The following KIF26B variants were observed in gnomAD, a reference collection of about 807,000 sequenced individuals.
KIF26B encodes the protein kinesin family member 26B.
In KIF26B, 63 loss-of-function variants were observed where a neutral mutation model predicts 151.2. The ratio of observed to expected loss-of-function variants is 0.42; its 90% CI spans 0.34 to 0.51. KIF26B has a LOEUF of 0.51. KIF26B is among the 20% of genes least tolerant of loss of function. The pLI is 0.07. For missense variants in KIF26B, 2,813 were observed against 2,913.6 expected (o/e 0.97, Z 0.79); for synonymous variants, 1,357 against 1,262.1 (o/e 1.08, Z -1.59).
At chr1:245,594,414 A>G (rs2103139265) in intron 5 of KIF26B, among the ~76,000 whole-genome samples, 1 of 152,308 alleles carries the variant, frequency 6.6e-6, no homozygotes, top group South Asian at 2.1e-4. Flanking sequence ...AACACCATTT[A>G]TTAAATAGGG....
intron 2 of KIF26B, among the ~76,000 whole-genome samples, chr1:245,348,121 A>G (rs1431301516): frequency 1.3e-5 from 2 of 152,192 alleles, no homozygotes; most frequent in Non-Finnish European, 1.5e-5. Flanking sequence ...TGTTTTCTGA[A>G]CATCACTTTT....
chr1:245,176,982 G>T (rs954798257), intron 2 of KIF26B, among the ~76,000 whole-genome samples: 3 of 152,194 alleles, frequency 2.0e-5, no homozygotes, highest in African/African-American at 7.2e-5. Context: ...TAGAGGGAGG[G>T]TTTCGTTCTG....
intron 2 of KIF26B, among the ~76,000 whole-genome samples, chr1:245,207,842 A>G (rs2103541678): frequency 6.6e-6 from 1 of 152,314 alleles, no homozygotes; most frequent in African/African-American, 2.4e-5. Context: ...TCTGTCCTGC[A>G]TTAGTGAGTT....
At position 245,701,710 on chromosome 1, in the gene KIF26B, A is replaced by G. The variant is rs182344657; in HGVS notation, c.6179-748A>G. ...GAGTTACTATTCTCACATGCCTTTA[A>G]AGACACTGTCAGCAGAGGTGGAGGT... On this transcript the variant is annotated intron_variant, in intron 14 of 14. Coordinates refer to ENST00000407071, the MANE Select transcript of KIF26B (RefSeq NM_018012.4). 5.0e-4 allele frequency among the ~76,000 whole-genome samples: 76 copies of G among 152,324 alleles called. 1 individual carries two copies. The East Asian group carries it at 0.015, about 29-fold the overall frequency.
intron 5 of KIF26B, among the ~76,000 whole-genome samples, chr1:245,576,062 C>T (rs1355618310): frequency 6.6e-6 from 1 of 152,182 alleles, no homozygotes; most frequent in Non-Finnish European, 1.5e-5. Context: ...TCAGGCTCTT[C>T]AGACCCTGAC....
chr1:245,541,575 G>T (rs1661622742), intron 5 of KIF26B, among the ~76,000 whole-genome samples: 1 of 152,130 alleles, frequency 6.6e-6, no homozygotes, highest in Non-Finnish European at 1.5e-5. Context: ...AAAGCGTTTG[G>T]GTGAAGTAAC....
At chr1:245,287,712 AGG>A (rs1671191444) in intron 2 of KIF26B, among the ~76,000 whole-genome samples, 1 of 151,992 alleles carries the variant, frequency 6.6e-6, no homozygotes, top group Admixed American at 6.5e-5. Flanking sequence ...CATATTGATC[AGG>A]CTGGTCTCAA....
intron 2 of KIF26B, among the ~76,000 whole-genome samples, chr1:245,279,754 T>G (rs1299479257): frequency 6.6e-6 from 1 of 152,154 alleles, no homozygotes; most frequent in Non-Finnish European, 1.5e-5. Flanking sequence ...TTTTTTTTTT[T>G]TAGCTTGTGC....
chr1:245,692,616 A>C (rs149022598), intron 12 of KIF26B, among the ~76,000 whole-genome samples: 218 of 152,270 alleles, frequency 1.4e-3, no homozygotes, highest in African/African-American at 5.0e-3. Context: ...CGCAAGCCAC[A>C]GTCACACCCG....
At chr1:245,654,366 T>C (rs1168375981) in intron 10 of KIF26B, among the ~76,000 whole-genome samples, 2 of 152,054 alleles carry the variant, frequency 1.3e-5, no homozygotes, top group Non-Finnish European at 2.9e-5. Context: ...AACGAGACGC[T>C]CCTGACTTTG....
rs1383089130 is a variant in KIF26B, at chr1:245,358,353, T to A, written c.466-8481T>A. Among the ~76,000 whole-genome samples the A allele has an allele frequency of 2.0e-5, 3 of 152,134 alleles. No individual in the cohort carries two copies. The highest frequency in any genetic ancestry group is 7.2e-5 in the African/African-American group (3 of 41,440). On this transcript the variant is annotated intron_variant, in intron 2 of 14. Transcript: ENST00000407071. The surrounding 1 kb of genome is among the most constrained non-coding windows in gnomAD (Gnocchi z 4.1). ...GGCTAGCAGAGTGAAACCCTGTCTC[T>A]AATAAAAATACAAAATATTAGCCAG...
In KIF26B at chr1:245,540,614, G is replaced by C. The variant is rs1444189069; in HGVS notation, c.1167-153G>C. On this transcript the variant is annotated intron_variant, in intron 4 of 14. Coordinates refer to ENST00000407071, the MANE Select transcript of KIF26B (RefSeq NM_018012.4). The surrounding 1 kb of genome is among the most constrained non-coding windows in gnomAD (Gnocchi z 4.6). Reference sequence around the variant, plus strand: ...AGCTCGTTAACTTCACTCTGTTATAGTAAGGGACTGCTACAGAGGACACTG... The same window carrying C: ...AGCTCGTTAACTTCACTCTGTTATACTAAGGGACTGCTACAGAGGACACTG... 1.3e-6 allele frequency: 1 copy of C among 776,416 alleles called. No homozygotes were observed. The highest frequency in any genetic ancestry group is 2.4e-6 in the Non-Finnish European group (1 of 424,682). The allele number at this position is 776,416 out of a possible 1,614,324, so 48.1% of individuals were successfully genotyped here.
chr1:245,511,300 G>C (rs1194106920), intron 4 of KIF26B, among the ~76,000 whole-genome samples: 1 of 152,110 alleles, frequency 6.6e-6, no homozygotes, highest in Admixed American at 6.5e-5. Flanking sequence ...CTTGTTCAAT[G>C]GACTTGCAGA....
intron 10 of KIF26B, among the ~76,000 whole-genome samples, chr1:245,666,812 T>C (rs187621738): frequency 2.0e-5 from 3 of 152,066 alleles, no homozygotes; most frequent in Non-Finnish European, 4.4e-5. Flanking sequence ...ACATTTTTGC[T>C]CTGGAGACCT....
chr1:245,210,903 G>A (rs1344299001), intron 2 of KIF26B, among the ~76,000 whole-genome samples: 1 of 152,136 alleles, frequency 6.6e-6, no homozygotes, highest in East Asian at 1.9e-4. Flanking sequence ...AGACACATTT[G>A]CCTCTCCACA....
rs1315314806 is a variant in KIF26B, at chr1:245,556,121, C to T, written c.1350+15171C>T. Among the ~76,000 whole-genome samples the T allele has an allele frequency of 3.3e-5, 5 of 152,206 alleles. No individual in the cohort carries two copies. The East Asian group carries it at 5.8e-4, about 18-fold the overall frequency. Reference sequence around the variant, plus strand: ...ACAGTCTTACGTCTGCCTGGCAATGCTGGCTATGCTGGCTATGCTATGACC... The same window carrying T: ...ACAGTCTTACGTCTGCCTGGCAATGTTGGCTATGCTGGCTATGCTATGACC... On this transcript the variant is annotated intron_variant, in intron 5 of 14. Transcript: ENST00000407071.
rs558264297 is a variant in KIF26B at position 245,177,468 on chromosome 1, G to A, written c.465+20785G>A. Among the ~76,000 whole-genome samples, 5 of 152,224 alleles carry A rather than the reference G, an allele frequency of 3.3e-5. No individual in the cohort carries two copies. In the South Asian group the frequency reaches 8.3e-4, roughly 25 times the overall value. On this transcript the variant is annotated intron_variant, in intron 2 of 14. Coordinates refer to ENST00000407071, the MANE Select transcript of KIF26B (RefSeq NM_018012.4). ...CCTGGACTATGTTGGGGGCATTTACGGTGGCAGTGCACACGGCTCACACTG... is the reference window on the plus strand; with the variant it reads ...CCTGGACTATGTTGGGGGCATTTACAGTGGCAGTGCACACGGCTCACACTG...
chr1:245,697,283 C>A (rs2044707925), intron 12 of KIF26B, among the ~76,000 whole-genome samples: 1 of 152,150 alleles, frequency 6.6e-6, no homozygotes, highest in African/African-American at 2.4e-5. Flanking sequence ...AGTTTAGTCT[C>A]CATTCTGGGA....
intron 14 of KIF26B, among the ~76,000 whole-genome samples, chr1:245,699,401 A>G (rs1029553723): frequency 2.6e-5 from 4 of 152,122 alleles, no homozygotes; most frequent in Non-Finnish European, 4.4e-5. Context: ...CCTGAAATAG[A>G]CAAGAATTTA....
Sources: allele counts gnomAD v4.1 joint callset (sites outside exome capture counted in the v4.1 genomes callset), GRCh38; gene constraint gnomAD v4.1.1; non-coding constraint Gnocchi (gnomAD v3.1); transcripts MANE v1.5; gene names NCBI Gene and HGNC (gene_info 2026-07-23, HGNC 2026-07-21).